The following MARK3 variants were observed in gnomAD, a reference collection of about 807,000 sequenced individuals.
MARK3 encodes the protein MAP/microtubule affinity-regulating kinase 3.
MARK3 carries 46 observed loss-of-function variants against 90.1 expected under a neutral mutation model. The ratio of observed to expected loss-of-function variants is 0.51; its 90% CI spans 0.40 to 0.65. MARK3 has a LOEUF of 0.65. MARK3 is among the 30% of genes least tolerant of loss of function. MARK3 has a pLI of 0.00. For synonymous variants in MARK3, 321 were observed against 332.6 expected (o/e 0.97, Z 0.38); for missense variants, 818 against 947.2 (o/e 0.86, Z 1.79).
At chr14:103,427,240 G>A (rs1361912057) in intron 2 of MARK3, among the ~76,000 whole-genome samples, 2 of 150,866 alleles carry the variant, frequency 1.3e-5, no homozygotes, top group Non-Finnish European at 1.5e-5. Context: ...TGGCTCACAC[G>A]TGTAATCCTA....
chr14:103,400,667 CAGG>C (rs2090897324), intron 1 of MARK3, among the ~76,000 whole-genome samples: 1 of 151,922 alleles, frequency 6.6e-6, no homozygotes, highest in Non-Finnish European at 1.5e-5. Flanking sequence ...GAGAATAAGA[CAGG>C]AGGATTGCTT....
chr14:103,448,294 A>G (rs1325682235), intron 3 of MARK3, among the ~76,000 whole-genome samples: 1 of 152,106 alleles, frequency 6.6e-6, no homozygotes, highest in East Asian at 1.9e-4. Context: ...CTAAGGTCCC[A>G]CTGGCCAAAG....
At position 103,389,938 on chromosome 14, in the gene MARK3, C is replaced by T. The variant is rs577873037; in HGVS notation, c.51+3858C>T. 1.4e-3 allele frequency among the ~76,000 whole-genome samples: 119 copies of T among 83,318 alleles called. 4 individuals are homozygous for T. In the East Asian group the frequency reaches 0.041, roughly 29 times the overall value. 54.7% of individuals were successfully genotyped at this position (83,318 alleles called of 152,430 possible). A position where few individuals can be genotyped will look rare whatever the true frequency, so the allele number is the denominator to read the frequency against. Reference sequence around the variant, plus strand: ...CAGCCTGGGCGACAGAGGGATACTCCGTCTCAAAAAAAAAAAAAAAAAAAA... The same window carrying T: ...CAGCCTGGGCGACAGAGGGATACTCTGTCTCAAAAAAAAAAAAAAAAAAAA... On this transcript the variant is annotated intron_variant, in intron 1 of 17. Coordinates refer to ENST00000429436, the MANE Select transcript of MARK3 (RefSeq NM_001128918.3).
intron 4 of MARK3, among the ~76,000 whole-genome samples, chr14:103,450,875 AGTGTGTGTGTGTGTGTGTGT>A (rs61183226): frequency 4.4e-4 from 51 of 114,880 alleles, no homozygotes; most frequent in East Asian, 1.5e-3. Flanking sequence ...TCATTTTTAA[AGTGTGTGTGTGTGTGTGTGT>A]GTGTGTGTGT....
intron 2 of MARK3, among the ~76,000 whole-genome samples, chr14:103,422,414 G>A (rs1566814225): frequency 6.6e-6 from 1 of 152,062 alleles, no homozygotes; most frequent in Non-Finnish European, 1.5e-5. Flanking sequence ...AAGATCGCGC[G>A]ACTGCACTCC....
intron 9 of MARK3, 54 bp from the exon 10 acceptor site, chr14:103,466,288 AC>A (rs1220901481): frequency 7.3e-7 from 1 of 1,369,828 alleles, no homozygotes; most frequent in African/African-American, 1.5e-5. Flanking sequence ...TGTAAATATT[AC>A]GGTTATCAGA....
intron 3 of MARK3, among the ~76,000 whole-genome samples, chr14:103,447,123 C>T (rs1050353525): frequency 4.6e-5 from 7 of 151,956 alleles, no homozygotes; most frequent in African/African-American, 9.7e-5. Flanking sequence ...AAATTCTGAG[C>T]GTAAGGTTAT....
intron 3 of MARK3, among the ~76,000 whole-genome samples, chr14:103,443,807 C>T (rs1003945355): frequency 2.6e-5 from 4 of 152,022 alleles, no homozygotes; most frequent in African/African-American, 9.7e-5. Flanking sequence ...TTGAAAATTC[C>T]TTCTCATGAA....
chr14:103,394,348 A>G (rs1215812929), intron 1 of MARK3, among the ~76,000 whole-genome samples: 1 of 152,208 alleles, frequency 6.6e-6, no homozygotes, highest in Non-Finnish European at 1.5e-5. Flanking sequence ...TGCAAAAGTA[A>G]TAAGGAATTT....
intron 12 of MARK3, among the ~76,000 whole-genome samples, chr14:103,472,373 T>C (rs1328888579): frequency 6.6e-6 from 1 of 151,236 alleles, no homozygotes; most frequent in African/African-American, 2.4e-5. Flanking sequence ...AAATGAAATT[T>C]CTGGCCGGTC....
intron 12 of MARK3, among the ~76,000 whole-genome samples, chr14:103,471,439 G>A (rs969018271): frequency 1.3e-5 from 2 of 152,216 alleles, no homozygotes; most frequent in African/African-American, 4.8e-5. Flanking sequence ...AACACCTGGG[G>A]CAGAGCTCAG....
intron 3 of MARK3, among the ~76,000 whole-genome samples, chr14:103,436,040 G>A (rs903899110): frequency 3.3e-5 from 5 of 151,842 alleles, no homozygotes; most frequent in Admixed American, 1.3e-4. Context: ...ACAGGCACCC[G>A]CTGCCACACC....
chr14:103,397,389 C>T (rs534738950), intron 1 of MARK3, among the ~76,000 whole-genome samples: 5 of 146,950 alleles, frequency 3.4e-5, no homozygotes, highest in East Asian at 2.0e-4. Flanking sequence ...TGCAGTGGTG[C>T]GATCTCGGCT....
chr14:103,476,657 A>G (rs530750241), intron 13 of MARK3, among the ~76,000 whole-genome samples: 2 of 152,272 alleles, frequency 1.3e-5, no homozygotes, highest in African/African-American at 2.4e-5. Flanking sequence ...TTTCCCTACA[A>G]AATTAACAAT....
chr14:103,442,123 C>G (rs1289499307), intron 3 of MARK3, among the ~76,000 whole-genome samples: 3 of 152,142 alleles, frequency 2.0e-5, no homozygotes, highest in Non-Finnish European at 4.4e-5. Flanking sequence ...AATCCCAGCA[C>G]TTTGGGAGGC....
At chr14:103,437,798 C>T (rs2092752373) in intron 3 of MARK3, among the ~76,000 whole-genome samples, 1 of 152,094 alleles carries the variant, frequency 6.6e-6, no homozygotes, top group Admixed American at 6.5e-5. Flanking sequence ...TATTGTGTGC[C>T]AGGTGCTGTT....
intron 3 of MARK3, among the ~76,000 whole-genome samples, chr14:103,437,316 C>T (rs1368932277): frequency 6.6e-6 from 1 of 151,826 alleles, no homozygotes; most frequent in Non-Finnish European, 1.5e-5. Flanking sequence ...ATGGTGTGAA[C>T]CTGGGAGGCG....
At chr14:103,415,552 C>T (rs935625635) in intron 2 of MARK3, among the ~76,000 whole-genome samples, 6 of 152,114 alleles carry the variant, frequency 3.9e-5, no homozygotes, top group Admixed American at 2.6e-4. Context: ...TTGCTTTTGA[C>T]CAACTTTTCA....
intron 2 of MARK3, among the ~76,000 whole-genome samples, chr14:103,423,517 A>G (rs2140982576): frequency 6.6e-6 from 1 of 151,982 alleles, no homozygotes; most frequent in South Asian, 2.1e-4. Context: ...CCTTTACCCA[A>G]CCCCACAATC....
Sources: gnomAD v4.1 joint callset for allele counts (sites outside exome capture counted in the v4.1 genomes callset) on GRCh38, gnomAD v4.1.1 for gene constraint, MANE v1.5 for transcripts, NCBI Gene and HGNC (gene_info 2026-07-23, HGNC 2026-07-21) for gene names.